Variants in BRINP3 observed in about 807,000 individuals in gnomAD.
The protein encoded by BRINP3 is BMP/retinoic acid inducible neural specific 3.
In BRINP3, 19 loss-of-function variants were observed where a neutral mutation model predicts 71.0. That is an observed-to-expected ratio of 0.27 (90% confidence interval 0.19 to 0.39). BRINP3 has a LOEUF of 0.39. Among genes scored for constraint, BRINP3 ranks in the 10% least tolerant of loss-of-function variants. BRINP3 has a pLI of 1.00. For missense variants in BRINP3, 959 were observed against 940.8 expected, an observed-to-expected ratio of 1.02 and a Z score of -0.25; for synonymous variants, 380 against 337.7, an observed-to-expected ratio of 1.13 and a Z score of -1.37.
intron 6 of BRINP3, among the ~76,000 whole-genome samples, chr1:190,199,771 G>GA (rs35752025): frequency 0.24 from 29,739 of 122,986 alleles, 3,437 homozygotes; most frequent in African/African-American, 0.32. Context: ...CAAGGCATAG[G>GA]AAAAAAAAAA....
chr1:190,209,143 A>G (rs1272292466), intron 6 of BRINP3, among the ~76,000 whole-genome samples: 2 of 152,092 alleles, frequency 1.3e-5, no homozygotes, highest in East Asian at 3.9e-4. Context: ...ATAATCACCA[A>G]TCTGTTTTAC....
chr1:190,221,247 G>A (rs1449985268), intron 6 of BRINP3, among the ~76,000 whole-genome samples: 1 of 151,938 alleles, frequency 6.6e-6, no homozygotes, highest in African/African-American at 2.4e-5. Flanking sequence ...AAAGTAAACT[G>A]GGGCAACTAA....
Position 190,458,215 on chromosome 1 carries a change from G to C in BRINP3, c.-50-3275C>G, listed in dbSNP as rs553313707. Among the ~76,000 whole-genome samples the C allele has an allele frequency of 8.4e-4, 127 of 152,062 alleles. 1 individual carries two copies. The highest frequency in any genetic ancestry group is 1.5e-3 in the Non-Finnish European group (99 of 67,920). On this transcript the variant is annotated intron_variant, in intron 1 of 7. Transcript: ENST00000367462. ...AGAAATAATTTTTTTCTGAAAGTTTGTTAACACATAGGAATGTCAATCTTA... is the reference window on the plus strand; with the variant it reads ...AGAAATAATTTTTTTCTGAAAGTTTCTTAACACATAGGAATGTCAATCTTA...
intron 4 of BRINP3, among the ~76,000 whole-genome samples, chr1:190,238,915 C>G (rs114862998): frequency 0.01 from 1,595 of 152,224 alleles, 24 homozygotes; most frequent in African/African-American, 0.036. Flanking sequence ...CTACCAGAGA[C>G]TAGGTAATTT....
chr1:190,228,032 A>G (rs576095417), intron 5 of BRINP3, among the ~76,000 whole-genome samples: 279 of 151,956 alleles, frequency 1.8e-3, no homozygotes, highest in Non-Finnish European at 3.4e-3. Flanking sequence ...AATCCACACT[A>G]GGGAAAGAAA....
chr1:190,162,739 G>A (rs1018542546), intron 6 of BRINP3, among the ~76,000 whole-genome samples: 1 of 152,088 alleles, frequency 6.6e-6, no homozygotes, highest in African/African-American at 2.4e-5. Context: ...TGAAGATAAG[G>A]AGTATCTTTA....
chr1:190,472,713 G>C (rs1677214174), intron 1 of BRINP3, among the ~76,000 whole-genome samples: 1 of 151,484 alleles, frequency 6.6e-6, no homozygotes, highest in Non-Finnish European at 1.5e-5. Context: ...TGCATTCTTT[G>C]TACTTGTGGA....
intron 2 of BRINP3, among the ~76,000 whole-genome samples, chr1:190,400,262 A>T (rs1440550719): frequency 1.3e-5 from 2 of 152,162 alleles, no homozygotes; most frequent in Admixed American, 1.3e-4. Context: ...GATTAAGATT[A>T]ACAGACAGAA....
chr1:190,405,417 C>CTCCA (rs1182556977), intron 2 of BRINP3, among the ~76,000 whole-genome samples: 1 of 124,862 alleles, frequency 8.0e-6, no homozygotes, highest in Non-Finnish European at 1.6e-5. Context: ...TGCCACTGCA[C>CTCCA]TCCAGCCTGG....
At chr1:190,204,990 C>G (rs1251795520) in intron 6 of BRINP3, among the ~76,000 whole-genome samples, 1 of 142,912 alleles carries the variant, frequency 7.0e-6, no homozygotes. Context: ...TTTCCTTTGG[C>G]AAAAAAAAAA....
At chr1:190,289,697 C>G (rs148779375) in intron 2 of BRINP3, among the ~76,000 whole-genome samples, 1 of 151,908 alleles carries the variant, frequency 6.6e-6, no homozygotes, top group Non-Finnish European at 1.5e-5. Flanking sequence ...GTCTTACCAT[C>G]TTCTTTTGGG....
chr1:190,172,274 ATT>A (rs1652084598), intron 6 of BRINP3, among the ~76,000 whole-genome samples: 1 of 151,284 alleles, frequency 6.6e-6, no homozygotes, highest in African/African-American at 2.4e-5. Flanking sequence ...TCCCTCAAAT[ATT>A]TAAATATTGG....
chr1:190,470,462 A>G (rs1354464355), intron 1 of BRINP3, among the ~76,000 whole-genome samples: 1 of 151,090 alleles, frequency 6.6e-6, no homozygotes, highest in Non-Finnish European at 1.5e-5. Context: ...ATTAAAAGGA[A>G]TTTGTTTTGC....
chr1:190,421,697 C>T (rs1375769369), intron 2 of BRINP3, among the ~76,000 whole-genome samples: 2 of 151,718 alleles, frequency 1.3e-5, no homozygotes, highest in African/African-American at 2.4e-5. Flanking sequence ...CCAGGCACCA[C>T]CACTCACTAG....
intron 7 of BRINP3, among the ~76,000 whole-genome samples, chr1:190,132,406 G>A (rs1422004196): frequency 2.6e-5 from 4 of 151,974 alleles, no homozygotes; most frequent in Non-Finnish European, 5.9e-5. Context: ...TGTTATCTTA[G>A]ATATTTGTAT....
chr1:190,173,711 T>C (rs1008167754), intron 6 of BRINP3, among the ~76,000 whole-genome samples: 4 of 152,212 alleles, frequency 2.6e-5, no homozygotes, highest in Non-Finnish European at 5.9e-5. Flanking sequence ...AATACGTATT[T>C]ATTAATGTAA....
chr1:190,097,956 C>G lies in BRINP3; in HGVS notation c.*62G>C. ...TTAAATTTACTCTTCCAAACATAAA[C>G]TGTTCCACAAAAGCACTGTAAAAAC... On this transcript the variant is annotated 3_prime_UTR_variant, in exon 8 of 8. Coordinates refer to ENST00000367462, the MANE Select transcript of BRINP3 (RefSeq NM_199051.3). 1 of 1,482,992 alleles carries G rather than the reference C, an allele frequency of 6.7e-7. No individual in the cohort carries two copies. Among genetic ancestry groups the G allele is most frequent in the Admixed American group, 2.2e-5 (1 of 45,524 alleles). The allele number at this position is 1,482,992 out of a possible 1,614,324, so 91.9% of individuals were successfully genotyped here. A position where few individuals can be genotyped will look rare whatever the true frequency, so the allele number is the denominator to read the frequency against.
chr1:190,099,160 T>G, intron 7 of BRINP3, 26 bp from the exon 8 acceptor site: 1 of 1,596,204 alleles, frequency 6.3e-7, no homozygotes, highest in Non-Finnish European at 8.6e-7. Flanking sequence ...AGAACGAATC[T>G]ACATAAATAC....
chr1:190,352,618 A>G (rs956333575), intron 2 of BRINP3, among the ~76,000 whole-genome samples: 3 of 151,970 alleles, frequency 2.0e-5, no homozygotes, highest in Non-Finnish European at 2.9e-5. Context: ...TGCAGAATGT[A>G]TTTTTCAATG....
Sources: allele counts gnomAD v4.1 joint callset (sites outside exome capture counted in the v4.1 genomes callset), GRCh38; gene constraint gnomAD v4.1.1; transcripts MANE v1.5; gene names NCBI Gene and HGNC (gene_info 2026-07-23, HGNC 2026-07-21).